Variants in SPTLC1 observed in about 807,000 individuals in gnomAD.
The protein encoded by SPTLC1 is serine palmitoyltransferase long chain base subunit 1, also known as serine palmitoyltransferase 1.
In SPTLC1, 55 loss-of-function variants were observed where a neutral mutation model predicts 68.9. That is an observed-to-expected ratio of 0.80 (90% CI 0.64 to 1.00). SPTLC1 has a LOEUF of 1.00. Among genes scored for constraint, SPTLC1 ranks in the 50% least tolerant of loss-of-function variants. The pLI, the probability that SPTLC1 is intolerant of heterozygous loss-of-function variation, is 0.00. For missense variants in SPTLC1, 449 were observed against 573.1 expected, an observed-to-expected ratio of 0.78 and a Z score of 2.21; for synonymous variants, 197 against 201.6, an observed-to-expected ratio of 0.98 and a Z score of 0.19.
intron 6 of SPTLC1, among the ~76,000 whole-genome samples, chr9:92,064,219 T>C (rs1834204015): frequency 6.6e-6 from 1 of 152,078 alleles, no homozygotes; most frequent in Non-Finnish European, 1.5e-5. Flanking sequence ...TACGTGGACA[T>C]CAAAATTTGT....
At chr9:92,084,104 T>G (rs1244541905) in intron 3 of SPTLC1, among the ~76,000 whole-genome samples, 1 of 151,696 alleles carries the variant, frequency 6.6e-6, no homozygotes, top group Non-Finnish European at 1.5e-5. Context: ...ATCCTGAGAC[T>G]TTGCTGAAGT....
intron 5 of SPTLC1, chr9:92,079,007 A>G: frequency 1.0e-6 from 1 of 958,474 alleles, no homozygotes; most frequent in African/African-American, 1.8e-5. Context: ...CCCTTGCTCT[A>G]CTTTCCCCAC....
At chr9:92,105,592 C>T in intron 3 of SPTLC1, 2 of 528,372 alleles carry the variant, frequency 3.8e-6, no homozygotes, top group Non-Finnish European at 6.7e-6. Context: ...AGGAGCGCCT[C>T]TGCCCAGCCG....
chr9:92,055,631 G>T, intron 7 of SPTLC1, 137 bp from the exon 8 acceptor site: 1 of 871,422 alleles, frequency 1.1e-6, no homozygotes, highest in Non-Finnish European at 1.8e-6. Context: ...CTCAGTGTTT[G>T]TGATGGGTTA....
At chr9:92,097,397 T>C (rs1488495657) in intron 3 of SPTLC1, among the ~76,000 whole-genome samples, 1 of 152,242 alleles carries the variant, frequency 6.6e-6, no homozygotes, top group Non-Finnish European at 1.5e-5. Context: ...TATTTTTTAT[T>C]TTTTCATATA....
chr9:92,107,259 A>G (rs1836033761), intron 3 of SPTLC1, among the ~76,000 whole-genome samples: 1 of 152,230 alleles, frequency 6.6e-6, no homozygotes, highest in Admixed American at 6.5e-5. Flanking sequence ...TATCCAATGA[A>G]TAAAAATAAA....
At position 92,098,740 on chromosome 9, in the gene SPTLC1, A is replaced by G. The variant is rs182498033; in HGVS notation, c.260+10000T>C. Among the ~76,000 whole-genome samples, 69 of 152,278 alleles carry G rather than the reference A, an allele frequency of 4.5e-4. No homozygotes were observed. The East Asian group carries it at 0.012, about 27-fold the overall frequency. On this transcript the variant is annotated intron_variant, in intron 3 of 14. Coordinates refer to ENST00000262554, the MANE Select transcript of SPTLC1 (RefSeq NM_006415.4). ...TCACCTTCCATGACCCTTCTCTGAA[A>G]TCTATCTATAATCTACTGTAAACCA... is the stretch of plus-strand genomic sequence containing the variant.
intron 3 of SPTLC1, among the ~76,000 whole-genome samples, chr9:92,095,085 A>G (rs1201661005): frequency 6.6e-6 from 1 of 152,062 alleles, no homozygotes; most frequent in African/African-American, 2.4e-5. Context: ...AGGTATACAG[A>G]ACCTTCGCTA....
Position 92,047,107 on chromosome 9 carries a change from A to G in SPTLC1, c.1081+65T>C, listed in dbSNP as rs1020576042. 6.0e-6 allele frequency: 8 copies of G among 1,341,466 alleles called. No individual in the cohort carries two copies. The African/African-American group carries it at 1.2e-4, about 19-fold the overall frequency. The allele number at this position is 1,341,466 out of a possible 1,614,324, so 83.1% of individuals were successfully genotyped here. A position where few individuals can be genotyped will look rare whatever the true frequency, so the allele number is the denominator to read the frequency against. On this transcript the variant is annotated intron_variant, in intron 11 of 14. Transcript: ENST00000262554. ...TGGCAAATAATTTCTCCAGTAAGTA[A>G]ATCAGTAACACAACTAACGTAACCT...
chr9:92,092,894 T>C (rs1199955760), intron 3 of SPTLC1, among the ~76,000 whole-genome samples: 1 of 152,208 alleles, frequency 6.6e-6, no homozygotes, highest in Non-Finnish European at 1.5e-5. Context: ...TATGAAACTC[T>C]TTACTGCTTT....
At chr9:92,108,629 C>G in intron 3 of SPTLC1, 111 bp downstream of exon 3, 1 of 1,530,000 alleles carries the variant, frequency 6.5e-7, no homozygotes, top group South Asian at 1.2e-5. Context: ...CTGGGAACTT[C>G]AAAATGTTTT....
chr9:92,072,768 C>T (rs1218040745), intron 5 of SPTLC1, among the ~76,000 whole-genome samples: 1 of 152,110 alleles, frequency 6.6e-6, no homozygotes, highest in Non-Finnish European at 1.5e-5. Flanking sequence ...TAGACAACTT[C>T]GGTTGCAAAA....
chr9:92,105,704 G>A (rs1179376920), intron 3 of SPTLC1, among the ~76,000 whole-genome samples: 8 of 151,220 alleles, frequency 5.3e-5, no homozygotes, highest in Non-Finnish European at 1.0e-4. Flanking sequence ...GGGAAGTGAC[G>A]AGTGCCTCTG....
rs148560809 is a variant in SPTLC1, at chr9:92,045,967, C to T, written c.1136+32G>A. The T allele has an allele frequency of 3.1e-6, 5 of 1,598,554 alleles. No homozygotes were observed. In the African/African-American group the frequency reaches 6.8e-5, roughly 22 times the overall value. ...AGTTGTTAAGTGTGGTGCAGATAAA[C>T]TTTATGTTGGTTGAAAATATATAAA... On this transcript the variant is annotated intron_variant, in intron 12 of 14. Transcript: ENST00000262554.
chr9:92,056,629 CTGCA>C (rs1383497758), intron 7 of SPTLC1, among the ~76,000 whole-genome samples: 2 of 152,160 alleles, frequency 1.3e-5, no homozygotes, highest in Non-Finnish European at 2.9e-5. Flanking sequence ...GTGTGTGGGA[CTGCA>C]AAAAATACTG....
At chr9:92,074,954 C>G (rs1365108566) in intron 5 of SPTLC1, among the ~76,000 whole-genome samples, 1 of 152,136 alleles carries the variant, frequency 6.6e-6, no homozygotes. Context: ...CCAGTCCCAA[C>G]AACTCACCTG....
chr9:92,101,561 CAAAAAAAAA>C (rs61125464), intron 3 of SPTLC1, among the ~76,000 whole-genome samples: 3 of 45,950 alleles, frequency 6.5e-5, no homozygotes, highest in South Asian at 7.7e-4. Context: ...GACTCCGTCT[CAAAAAAAAA>C]AAAAAAAAAA....
chr9:92,044,240 A>G (rs1400455268), intron 12 of SPTLC1, among the ~76,000 whole-genome samples: 1 of 152,238 alleles, frequency 6.6e-6, no homozygotes, highest in Non-Finnish European at 1.5e-5. Flanking sequence ...AATGAGAAGA[A>G]AAGAGAAGCA....
intron 3 of SPTLC1, among the ~76,000 whole-genome samples, chr9:92,082,874 T>C (rs1214542899): frequency 2.0e-5 from 3 of 151,614 alleles, no homozygotes; most frequent in African/African-American, 7.3e-5. Flanking sequence ...AAAGTGTTCC[T>C]ATTTCTCCAC....
Sources: allele counts gnomAD v4.1 joint callset (sites outside exome capture counted in the v4.1 genomes callset), GRCh38; gene constraint gnomAD v4.1.1; transcripts MANE v1.5; gene names NCBI Gene and HGNC (gene_info 2026-07-23, HGNC 2026-07-21).